The following VPS41 variants were observed in gnomAD, a reference collection of about 807,000 sequenced individuals.
VPS41 encodes the protein vacuolar protein sorting-associated protein 41 homolog.
Under a neutral mutation model 130.9 loss-of-function variants are expected in VPS41, and 85 were observed. That is an observed-to-expected ratio of 0.65 (90% CI 0.55 to 0.78). The LOEUF (loss-of-function observed/expected upper bound fraction) is 0.78, where lower values mean the gene tolerates loss of function less well. Ranked by LOEUF, VPS41 falls within the 30% of genes least tolerant of loss-of-function variation. VPS41 has a pLI of 0.00. For synonymous variants in VPS41, 335 were observed against 332.9 expected, an observed-to-expected ratio of 1.01 and a Z score of -0.07; for missense variants, 874 against 1,018.7, an observed-to-expected ratio of 0.86 and a Z score of 1.93.
chr7:38,740,383 G>A (rs144782157), intron 25 of VPS41, among the ~76,000 whole-genome samples: 223 of 152,242 alleles, frequency 1.5e-3, no homozygotes, highest in Middle Eastern at 3.4e-3. Flanking sequence ...TTCAAAATTA[G>A]TGACTTCCCC....
intron 9 of VPS41, among the ~76,000 whole-genome samples, chr7:38,790,962 T>C (rs1409666823): frequency 1.3e-5 from 2 of 152,208 alleles, no homozygotes; most frequent in African/African-American, 4.8e-5. Context: ...ACATAAACTT[T>C]TGTAAGGTTT....
intron 11 of VPS41, chr7:38,775,150 C>T (rs1202756195): frequency 6.6e-6 from 1 of 152,208 alleles, no homozygotes; most frequent in East Asian, 1.9e-4. Context: ...GCTAAACCAC[C>T]TTTTCAGTAT....
intron 4 of VPS41, among the ~76,000 whole-genome samples, chr7:38,853,588 T>A (rs1180528498): frequency 2.6e-5 from 4 of 152,168 alleles, no homozygotes. Flanking sequence ...TTATTCATAA[T>A]CCTTTTAAAG....
At chr7:38,812,329 C>G (rs1274312050) in intron 7 of VPS41, among the ~76,000 whole-genome samples, 1 of 152,238 alleles carries the variant, frequency 6.6e-6, no homozygotes, top group South Asian at 2.1e-4. Context: ...GCTGGGCCAA[C>G]TGGATATTCA....
At chr7:38,804,353 GCCCCAGTGTGTGTTGTT>G (rs962851352) in intron 7 of VPS41, among the ~76,000 whole-genome samples, 4 of 151,854 alleles carry the variant, frequency 2.6e-5, no homozygotes, top group Non-Finnish European at 4.4e-5. Flanking sequence ...CCTCCAATAG[GCCCCAGTGTGTGTTGTT>G]CCCCTCTATG....
intron 10 of VPS41, 130 bp downstream of exon 10, chr7:38,789,671 G>T: frequency 1.3e-6 from 1 of 776,730 alleles, no homozygotes; most frequent in Non-Finnish European, 2.2e-6. Flanking sequence ...CACAGTGGAA[G>T]AAGATAAACC....
intron 4 of VPS41, among the ~76,000 whole-genome samples, chr7:38,834,120 A>C (rs201770210): frequency 1.4e-5 from 2 of 146,350 alleles, no homozygotes; most frequent in East Asian, 2.0e-4. Flanking sequence ...AAAAAAAAAA[A>C]CTTTTTTAGC....
At position 38,754,753 on chromosome 7, in the gene VPS41, C is replaced by A. The variant is rs1220867580; in HGVS notation, c.1738-1G>T. 7 of 1,612,928 alleles carry A rather than the reference C, an allele frequency of 4.3e-6. No individual in the cohort carries two copies. The highest frequency in any genetic ancestry group is 5.9e-6 in the Non-Finnish European group (7 of 1,179,362). On this transcript the variant is annotated splice_acceptor_variant, in intron 20 of 28. Transcript: ENST00000310301. LOFTEE classifies it high-confidence loss of function. Reference sequence around the variant, plus strand: ...CCAATTCTTCCACTACCTTTTTAATCTAGATAAAAAAGAAAAGTTTCAAGG... The same window carrying A: ...CCAATTCTTCCACTACCTTTTTAATATAGATAAAAAAGAAAAGTTTCAAGG...
At chr7:38,796,345 T>C in intron 8 of VPS41, 3 of 397,158 alleles carry the variant, frequency 7.6e-6, no homozygotes, top group South Asian at 1.9e-5. Context: ...TACTTCTGTC[T>C]ATGATTATAC....
intron 2 of VPS41, among the ~76,000 whole-genome samples, chr7:38,869,998 T>C (rs1305373758): frequency 6.6e-6 from 1 of 152,158 alleles, no homozygotes; most frequent in Non-Finnish European, 1.5e-5. Flanking sequence ...GGATCAAGAT[T>C]CCAGGGCAGC....
chr7:38,794,050 A>C (rs187270735), intron 9 of VPS41, among the ~76,000 whole-genome samples: 2 of 152,320 alleles, frequency 1.3e-5, no homozygotes, highest in African/African-American at 2.4e-5. Context: ...CATACCAGAG[A>C]AAGAATTTCT....
At chr7:38,871,520 C>T (rs74914764) in intron 2 of VPS41, among the ~76,000 whole-genome samples, 1 of 152,164 alleles carries the variant, frequency 6.6e-6, no homozygotes, top group South Asian at 2.1e-4. Context: ...TCCTGTTTTA[C>T]AGATTTTCAG....
Position 38,742,063 on chromosome 7 carries a change from A to C in VPS41, c.2181T>G (p.Ile727Met). Residue 727 changes from isoleucine (I) to methionine (M), a missense_variant, in exon 25 of 29, where the codon ATT becomes ATG. Physicochemically the swap from Ile to Met is conservative, Grantham distance 10. Transcript: ENST00000310301. ...IGTHVDPILL[I>M]HRIKEGMEIP... ...TCTCCATTCCTTCCTTAATACGGTG[A>C]ATCAGTAGAATTGGGTCAACATGTG... 6.2e-7 allele frequency: 1 copy of C among 1,613,354 alleles called. No individual in the cohort carries two copies. The highest frequency in any genetic ancestry group is 8.5e-7 in the Non-Finnish European group (1 of 1,179,664).
intron 9 of VPS41, among the ~76,000 whole-genome samples, chr7:38,791,643 C>T (rs1784539009): frequency 6.6e-6 from 1 of 151,982 alleles, no homozygotes; most frequent in East Asian, 1.9e-4. Context: ...CAGCATAGGG[C>T]CTTCAACTGG....
rs1052737944 is a variant in VPS41 at position 38,724,062 on chromosome 7, C to T, written c.*2184G>A. 1.3e-5 allele frequency: 2 copies of T among 152,136 alleles called. No homozygotes were observed. Among genetic ancestry groups the T allele is most frequent in the African/African-American group, 2.4e-5 (1 of 41,440 alleles). 9.4% of individuals were successfully genotyped at this position (152,136 alleles called of 1,614,324 possible). ...ATTTTCCAGTGTGTTACAGCAATTT[C>T]TGAAATGATAAACGAACATATTTTA... On this transcript the variant is annotated 3_prime_UTR_variant, in exon 29 of 29. Coordinates refer to ENST00000310301, the MANE Select transcript of VPS41 (RefSeq NM_014396.4).
intron 5 of VPS41, among the ~76,000 whole-genome samples, chr7:38,824,577 T>C (rs1372273293): frequency 6.6e-6 from 1 of 152,192 alleles, no homozygotes; most frequent in African/African-American, 2.4e-5. Context: ...GCTATCTTTA[T>C]ATAGGATAAA....
At chr7:38,785,364 T>C (rs1022491606) in intron 10 of VPS41, among the ~76,000 whole-genome samples, 5 of 152,204 alleles carry the variant, frequency 3.3e-5, no homozygotes, top group African/African-American at 1.2e-4. Flanking sequence ...GAATGGCTAA[T>C]GGACAAAATA....
intron 4 of VPS41, among the ~76,000 whole-genome samples, chr7:38,849,379 C>T (rs781154867): frequency 5.3e-5 from 8 of 152,176 alleles, no homozygotes; most frequent in Admixed American, 2.0e-4. Flanking sequence ...AGACCCCCTG[C>T]TTTATAGCAA....
At chr7:38,853,270 T>C (rs929513369) in intron 4 of VPS41, among the ~76,000 whole-genome samples, 1 of 151,886 alleles carries the variant, frequency 6.6e-6, no homozygotes, top group Non-Finnish European at 1.5e-5. Context: ...ATACAAAAAA[T>C]TAGCTGGGCA....
Sources: allele counts gnomAD v4.1 joint callset (sites outside exome capture counted in the v4.1 genomes callset), GRCh38; gene constraint gnomAD v4.1.1; transcripts MANE v1.5; gene names NCBI Gene and HGNC (gene_info 2026-07-23, HGNC 2026-07-21).